Variants in PLPP3 observed in about 807,000 individuals in gnomAD.
PLPP3 encodes the protein phospholipid phosphatase 3.
PLPP3 carries 6 observed loss-of-function variants against 29.6 expected under a neutral mutation model. The ratio of observed to expected loss-of-function variants is 0.20; its 90% CI spans 0.11 to 0.40. The LOEUF is 0.40. Ranked by LOEUF, PLPP3 falls within the 10% of genes least tolerant of loss-of-function variation. The probability of loss-of-function intolerance (pLI) is 1.00; values close to 1 mark genes in which losing one functional copy is unlikely to be tolerated. For missense variants in PLPP3, 308 were observed against 407.7 expected (o/e 0.76, Z 2.11); for synonymous variants, 152 against 159.7 (o/e 0.95, Z 0.36).
At chr1:56,561,840 G>T (rs931708403) in intron 1 of PLPP3, among the ~76,000 whole-genome samples, 9 of 151,788 alleles carry the variant, frequency 5.9e-5, no homozygotes, top group Admixed American at 2.6e-4. Flanking sequence ...TTCAAGACCA[G>T]CCTGGGCAAC....
At chr1:56,549,994 C>T (rs534460231) in intron 1 of PLPP3, among the ~76,000 whole-genome samples, 1 of 152,238 alleles carries the variant, frequency 6.6e-6, no homozygotes, top group Admixed American at 6.5e-5. Context: ...TTTACAAAGA[C>T]TAGAAATGAA....
At chr1:56,529,497 T>C (rs1645872906) in intron 2 of PLPP3, among the ~76,000 whole-genome samples, 1 of 152,170 alleles carries the variant, frequency 6.6e-6, no homozygotes, top group African/African-American at 2.4e-5. Flanking sequence ...CCAGAAAAGA[T>C]TAATTCAACA....
intron 1 of PLPP3, among the ~76,000 whole-genome samples, chr1:56,547,729 A>G (rs1224933268): frequency 6.6e-6 from 1 of 152,184 alleles, no homozygotes; most frequent in African/African-American, 2.4e-5. Flanking sequence ...GATCCATTTC[A>G]GCACACCCCT....
chr1:56,537,368 T>C (rs1265252114), intron 1 of PLPP3, among the ~76,000 whole-genome samples: 1 of 152,094 alleles, frequency 6.6e-6, no homozygotes, highest in Non-Finnish European at 1.5e-5. Flanking sequence ...AGGTAGGCAG[T>C]GAAAGAGCCA....
At chr1:56,561,227 G>C (rs570489468) in intron 1 of PLPP3, among the ~76,000 whole-genome samples, 1 of 149,698 alleles carries the variant, frequency 6.7e-6, no homozygotes, top group East Asian at 2.0e-4. Context: ...GGGTAGGTTA[G>C]AATTTTTTTT....
intron 2 of PLPP3, among the ~76,000 whole-genome samples, chr1:56,525,149 G>A (rs1015188568): frequency 1.3e-5 from 2 of 152,196 alleles, no homozygotes; most frequent in African/African-American, 4.8e-5. Context: ...TTGGCCTTCT[G>A]CTCCATAAAA....
At position 56,557,026 on chromosome 1, in the gene PLPP3, AAGAG is replaced by A. The variant is rs771132203; in HGVS notation, c.140-19918_140-19915del. Among the ~76,000 whole-genome samples, 37 of 9,524 alleles carry A rather than the reference AAGAG, an allele frequency of 3.9e-3. 11 individuals carry two copies. Among genetic ancestry groups the A allele is most frequent in the African/African-American group, 8.9e-3 (36 of 4,028 alleles). The allele number at this position is 9,524 out of a possible 152,430, so 6.2% of individuals were successfully genotyped here. A position where few individuals can be genotyped will look rare whatever the true frequency, so the allele number is the denominator to read the frequency against. ...AGAAAGAAAGAGAGAGAGAGAGAGAAAGAGAGAGAGAGAGAGAGAGAGAGAGAGA... is the reference window on the plus strand; with the variant it reads ...AGAAAGAAAGAGAGAGAGAGAGAGAAAGAGAGAGAGAGAGAGAGAGAGAGA... On this transcript the variant is annotated intron_variant, in intron 1 of 5. Coordinates refer to ENST00000371250, the MANE Select transcript of PLPP3 (RefSeq NM_003713.5).
chr1:56,542,874 T>C (rs1645979471), intron 1 of PLPP3, among the ~76,000 whole-genome samples: 2 of 151,774 alleles, frequency 1.3e-5, no homozygotes, highest in Non-Finnish European at 2.9e-5. Flanking sequence ...AAACAAAAAT[T>C]AGCCGAGTGT....
chr1:56,518,585 T>G (rs186418902), intron 4 of PLPP3, among the ~76,000 whole-genome samples: 350 of 152,196 alleles, frequency 2.3e-3, no homozygotes, highest in African/African-American at 8.0e-3. Flanking sequence ...ATTCATTCAT[T>G]CATTCATCTA....
chr1:56,510,265 C>T (rs1229750038), intron 5 of PLPP3, among the ~76,000 whole-genome samples: 1 of 152,224 alleles, frequency 6.6e-6, no homozygotes, highest in African/African-American at 2.4e-5. Context: ...TGTCACCTCA[C>T]ATTAAAGGGC....
intron 4 of PLPP3, among the ~76,000 whole-genome samples, chr1:56,522,215 G>A (rs911147389): frequency 1.3e-5 from 2 of 152,218 alleles, no homozygotes; most frequent in African/African-American, 2.4e-5. Flanking sequence ...AAATGTCACA[G>A]AGTAAGTAGA....
chr1:56,565,991 G>A (rs982711451), intron 1 of PLPP3, among the ~76,000 whole-genome samples: 1 of 152,228 alleles, frequency 6.6e-6, no homozygotes, highest in African/African-American at 2.4e-5. Flanking sequence ...AGACCAGAGT[G>A]AACTGACAGC....
chr1:56,523,791 A>G, intron 4 of PLPP3, 32 bp downstream of exon 4: 1 of 1,596,112 alleles, frequency 6.3e-7, no homozygotes, highest in Non-Finnish European at 8.6e-7. Flanking sequence ...GCTGGAACTG[A>G]GCACTGCTCA....
At position 56,555,452 on chromosome 1, in the gene PLPP3, A is replaced by C. The variant is rs1261879843; in HGVS notation, c.140-18340T>G. Among the ~76,000 whole-genome samples, 175 of 147,474 alleles carry C rather than the reference A, an allele frequency of 1.2e-3. 1 individual carries two copies. Among genetic ancestry groups the C allele is most frequent in the East Asian group, 4.5e-3 (23 of 5,060 alleles). On this transcript the variant is annotated intron_variant, in intron 1 of 5. Transcript: ENST00000371250. Reference sequence around the variant, plus strand: ...AAACACTAAAAAAAAAAAAAAAAAAAAAAAAAAACAAAAAACAAACAAACA... The same window carrying C: ...AAACACTAAAAAAAAAAAAAAAAAACAAAAAAAACAAAAAACAAACAAACA...
At chr1:56,503,420 G>A (rs1482669181) in intron 5 of PLPP3, among the ~76,000 whole-genome samples, 1 of 152,180 alleles carries the variant, frequency 6.6e-6, no homozygotes, top group Non-Finnish European at 1.5e-5. Context: ...TGGCCGCGGT[G>A]GCTCACAGCT....
At chr1:56,508,461 G>A (rs889992808) in intron 5 of PLPP3, among the ~76,000 whole-genome samples, 1 of 152,206 alleles carries the variant, frequency 6.6e-6, no homozygotes, top group Non-Finnish European at 1.5e-5. Flanking sequence ...ACTGGAAAAT[G>A]GATTCTGTGT....
At chr1:56,573,545 C>T (rs1646214888) in intron 1 of PLPP3, among the ~76,000 whole-genome samples, 1 of 152,196 alleles carries the variant, frequency 6.6e-6, no homozygotes, top group Admixed American at 6.5e-5. Context: ...GAATCACCGG[C>T]AGCGTTTATA....
At chr1:56,528,423 G>A (rs1053077808) in intron 2 of PLPP3, among the ~76,000 whole-genome samples, 3 of 152,126 alleles carry the variant, frequency 2.0e-5, no homozygotes, top group African/African-American at 7.2e-5. Context: ...AGATTTTTGG[G>A]AAAAGATAGA....
chr1:56,510,328 C>T (rs970393449), intron 5 of PLPP3, among the ~76,000 whole-genome samples: 28 of 152,198 alleles, frequency 1.8e-4, no homozygotes, highest in African/African-American at 6.8e-4. Flanking sequence ...TAACGGTTTG[C>T]TCCCCCAGGT....
Sources: allele counts gnomAD v4.1 joint callset (sites outside exome capture counted in the v4.1 genomes callset), GRCh38; gene constraint gnomAD v4.1.1; transcripts MANE v1.5; gene names NCBI Gene and HGNC (gene_info 2026-07-23, HGNC 2026-07-21).